PATL2: variants seen among roughly 807,000 people sequenced by gnomAD.
The protein encoded by PATL2 is PAT1 homolog 2, also known as protein PAT1 homolog 2.
A neutral mutation model predicts 77.0 loss-of-function variants in PATL2; 73 were observed. The ratio of observed to expected loss-of-function variants is 0.95; its 90% confidence interval spans 0.78 to 1.15. The LOEUF is 1.15. Ranked by LOEUF, PATL2 falls within the 50% of genes most tolerant of loss-of-function variation. The pLI, the probability that PATL2 is intolerant of heterozygous loss-of-function variation, is 0.00. For synonymous variants in PATL2, 265 were observed against 257.1 expected (o/e 1.03, Z -0.29); for missense variants, 618 against 655.4 (o/e 0.94, Z 0.62).
At chr15:44,702,814 A>G (rs2086657001) in intron 3 of PATL2, among the ~76,000 whole-genome samples, 1 of 151,998 alleles carries the variant, frequency 6.6e-6, no homozygotes, top group Admixed American at 6.6e-5. Flanking sequence ...TCCTCTTGTT[A>G]TTGATTTCTA....
chr15:44,696,952 T>G (rs1239458091), intron 3 of PATL2, among the ~76,000 whole-genome samples: 1 of 152,228 alleles, frequency 6.6e-6, no homozygotes, highest in East Asian at 1.9e-4. Context: ...AAGCCTGCAC[T>G]TAACCAAAAT....
In PATL2 at chr15:44,676,801, G is replaced by A; in HGVS notation, c.-75-236C>T. 1.0e-5 allele frequency: 12 copies of A among 1,185,220 alleles called. 1 individual carries two copies. The South Asian group carries it at 1.9e-4, about 19-fold the overall frequency. The allele number at this position is 1,185,220 out of a possible 1,614,324, so 73.4% of individuals were successfully genotyped here. The stretch of plus-strand genomic sequence containing the variant: ...GCACAGGCTAGAAGCAGGAAGAGAA[G>A]TACTTCCCAACCGACATCACCAGTC... On this transcript the variant is annotated intron_variant, in intron 3 of 17. Coordinates refer to ENST00000682850, the MANE Select transcript of PATL2 (RefSeq NM_001387263.1).
intron 3 of PATL2, among the ~76,000 whole-genome samples, chr15:44,684,046 A>G (rs2141232258): frequency 6.6e-6 from 1 of 151,842 alleles, no homozygotes; most frequent in East Asian, 1.9e-4. Flanking sequence ...AAGGAATAGC[A>G]TCAACATAAA....
chr15:44,701,437 T>C (rs2086627372), intron 3 of PATL2, among the ~76,000 whole-genome samples: 1 of 151,934 alleles, frequency 6.6e-6, no homozygotes, highest in Non-Finnish European at 1.5e-5. Context: ...GGCTCATGCC[T>C]GTAATCCCAG....
intron 3 of PATL2, among the ~76,000 whole-genome samples, chr15:44,677,232 G>T (rs1257460737): frequency 1.3e-5 from 2 of 152,154 alleles, no homozygotes; most frequent in Non-Finnish European, 2.9e-5. Flanking sequence ...AAATTGGATA[G>T]GAAAGTCCTG....
chr15:44,670,432 A>C (rs938449456), intron 9 of PATL2, among the ~76,000 whole-genome samples: 2 of 152,174 alleles, frequency 1.3e-5, no homozygotes. Context: ...GGACTCAAGC[A>C]ATCAGCCCTC....
intron 3 of PATL2, among the ~76,000 whole-genome samples, chr15:44,688,035 C>A (rs947840000): frequency 2.6e-5 from 4 of 151,996 alleles, no homozygotes; most frequent in Non-Finnish European, 5.9e-5. Flanking sequence ...ATCACGAGGT[C>A]AGGAGATTGA....
intron 14 of PATL2, 116 bp from the exon 15 acceptor site, chr15:44,668,598 C>CT: frequency 7.8e-7 from 1 of 1,280,640 alleles, no homozygotes; most frequent in East Asian, 2.6e-5. Context: ...GGTGAGGTTA[C>CT]TTACCAGGCT....
chr15:44,697,666 C>T (rs561262347), intron 3 of PATL2, among the ~76,000 whole-genome samples: 1 of 152,258 alleles, frequency 6.6e-6, no homozygotes, highest in Non-Finnish European at 1.5e-5. Flanking sequence ...GCCCTGGTCT[C>T]CAAAGCCTCC....
rs149047883 is a variant in PATL2 at position 44,675,464 on chromosome 15, C to A, written c.222+22G>T. On this transcript the variant is annotated intron_variant, in intron 5 of 17. Coordinates refer to ENST00000682850, the MANE Select transcript of PATL2 (RefSeq NM_001387263.1). Reference sequence around the variant, plus strand: ...ACAGACAGTTCAGGACAACCCTCTCCCATTCCCTTCTGCCATGGTACCTGG... The same window carrying A: ...ACAGACAGTTCAGGACAACCCTCTCACATTCCCTTCTGCCATGGTACCTGG... 4.0e-3 allele frequency: 6,161 copies of A among 1,546,588 alleles called. 14 individuals are homozygous for A. The highest frequency in any genetic ancestry group is 4.9e-3 in the Non-Finnish European group (5,616 of 1,144,018).
At position 44,711,230 on chromosome 15, in the gene PATL2, T is replaced by C. The variant is rs913206764; in HGVS notation, c.-464A>G. ...AGTCTGCAAAGCGAGGGGGCAGCCT[T>C]AATGTGCCTCCAGCCTGAAGTCCTA... On this transcript the variant is annotated 5_prime_UTR_variant, in exon 1 of 18. Transcript: ENST00000682850. 1.9e-5 allele frequency: 10 copies of C among 533,660 alleles called. No homozygotes were observed. The highest frequency in any genetic ancestry group is 3.1e-5 in the Non-Finnish European group (9 of 294,632). The allele number at this position is 533,660 out of a possible 1,614,324, so 33.1% of individuals were successfully genotyped here.
Position 44,680,535 on chromosome 15 carries a change from ACT to A in PATL2, c.-75-3972_-75-3971del, listed in dbSNP as rs760842316. On this transcript the variant is annotated intron_variant, in intron 3 of 17. Coordinates refer to ENST00000682850, the MANE Select transcript of PATL2 (RefSeq NM_001387263.1). The stretch of plus-strand genomic sequence containing the variant: ...GGGCTCTCCTCCTCTTCAAGTCCAG[ACT>A]CTCTTCCTGGATGCTTGGCCCTTCA... Among the ~76,000 whole-genome samples the A allele has an allele frequency of 2.2e-4, 33 of 149,630 alleles. 1 individual carries two copies. Among genetic ancestry groups the A allele is most frequent in the Admixed American group, 1.7e-3 (25 of 15,076 alleles).
intron 5 of PATL2, 100 bp downstream of exon 5, chr15:44,675,386 C>G: frequency 2.2e-6 from 3 of 1,347,676 alleles, no homozygotes; most frequent in Non-Finnish European, 3.0e-6. Flanking sequence ...CAGAACTTGT[C>G]TTAGAAAAGG....
intron 6 of PATL2, 130 bp downstream of exon 6, chr15:44,674,020 G>T: frequency 1.2e-6 from 1 of 807,046 alleles, no homozygotes; most frequent in Admixed American, 2.9e-5. Flanking sequence ...CCTCTATGAT[G>T]GGGCAACTCC....
intron 3 of PATL2, among the ~76,000 whole-genome samples, chr15:44,701,238 C>T (rs2086622784): frequency 6.6e-6 from 1 of 150,760 alleles, no homozygotes; most frequent in South Asian, 2.1e-4. Flanking sequence ...ATTTTTGCAT[C>T]AGGGATATTT....
rs146434658 is a variant in PATL2 at position 44,686,457 on chromosome 15, G to A, written c.-75-9892C>T. On this transcript the variant is annotated intron_variant, in intron 3 of 17. Transcript: ENST00000682850. ...ACTAAATGCCCACAAGAGGAAGTAG[G>A]AAAGATCTAAAATTGACACCTTAAC... Among the ~76,000 whole-genome samples, 764 of 152,210 alleles carry A rather than the reference G, an allele frequency of 5.0e-3. 7 individuals are homozygous for A. The highest frequency in any genetic ancestry group is 0.018 in the African/African-American group (741 of 41,524).
rs2086856943 is a variant in PATL2 at position 44,711,319 on chromosome 15, A to G, written c.-553T>C. 1.6e-6 allele frequency: 1 copy of G among 627,348 alleles called. No individual in the cohort carries two copies. The highest frequency in any genetic ancestry group is 2.9e-6 in the Non-Finnish European group (1 of 350,038). 38.9% of individuals were successfully genotyped at this position (627,348 alleles called of 1,614,324 possible). A position where few individuals can be genotyped will look rare whatever the true frequency, so the allele number is the denominator to read the frequency against. ...CAGATCGGAGGGCGCCGATGTACAGACAGCAAACTCACCCAGTCTAGTGCA... is the reference window on the plus strand; with the variant it reads ...CAGATCGGAGGGCGCCGATGTACAGGCAGCAAACTCACCCAGTCTAGTGCA... On this transcript the variant is annotated 5_prime_UTR_variant, in exon 1 of 18. Coordinates refer to ENST00000682850, the MANE Select transcript of PATL2 (RefSeq NM_001387263.1).
intron 4 of PATL2, 101 bp from the exon 5 acceptor site, chr15:44,675,792 T>A (rs981943298): frequency 2.0e-6 from 2 of 998,104 alleles, no homozygotes; most frequent in African/African-American, 1.6e-5. Flanking sequence ...TCATAAGCCA[T>A]CTCCAGCACC....
chr15:44,700,319 T>C (rs1355611262), intron 3 of PATL2, among the ~76,000 whole-genome samples: 2 of 152,168 alleles, frequency 1.3e-5, no homozygotes, highest in African/African-American at 4.8e-5. Flanking sequence ...TTTTGTTTTT[T>C]GAGATGGAGC....
Sources: gnomAD v4.1 joint callset for allele counts (sites outside exome capture counted in the v4.1 genomes callset) on GRCh38, gnomAD v4.1.1 for gene constraint, MANE v1.5 for transcripts, NCBI Gene and HGNC (gene_info 2026-07-23, HGNC 2026-07-21) for gene names.